The following IQCN variants were observed in gnomAD, a reference collection of about 807,000 sequenced individuals.
IQCN encodes the protein IQ motif containing N, also known as IQ domain-containing protein N.
A neutral mutation model predicts 64.4 loss-of-function variants in IQCN; 46 were observed. The observed-to-expected ratio is 0.71, with a 90% CI of 0.56 to 0.91. The LOEUF (loss-of-function observed/expected upper bound fraction) is 0.91, where lower values mean the gene tolerates loss of function less well. Ranked by LOEUF, IQCN falls within the 40% of genes least tolerant of loss-of-function variation. The probability of loss-of-function intolerance (pLI) is 0.00; values close to 1 mark genes in which losing one functional copy is unlikely to be tolerated. For missense variants in IQCN, 1,753 were observed against 1,857.4 expected (o/e 0.94, Z 1.03); for synonymous variants, 733 against 775.6 (o/e 0.95, Z 0.91).
intron 1 of IQCN, 100 bp from the exon 2 acceptor site, chr19:18,269,687 A>G (rs1313556849): frequency 2.0e-6 from 1 of 507,326 alleles, no homozygotes. Context: ...AAAAAAAAAA[A>G]TGTGCAAAGA....
In IQCN at chr19:18,265,307, G is replaced by A. The variant is rs147485534; in HGVS notation, c.2233C>T (p.Arg745Trp). The A allele has an allele frequency of 6.0e-5, 97 of 1,614,034 alleles. No individual in the cohort carries two copies. The highest frequency in any genetic ancestry group is 5.9e-5 in the Non-Finnish European group (70 of 1,180,044). Residue 745 changes from arginine to tryptophan, a missense_variant, in exon 3 of 4, where the codon CGG (arginine) becomes TGG (tryptophan). Transcript: ENST00000392413. The surrounding 1 kb of genome is among the most constrained non-coding windows in gnomAD (Gnocchi z 4.7). The stretch of plus-strand genomic sequence containing the variant: ...GTTATGTCTGTGATCGGCTGCCCCC[G>A]GGACTGCGTCTTGGTCAGACAGGTG... Reference protein sequence around the residue: ...LATCLTKTQSRGQPITDITTC... With the variant: ...LATCLTKTQSWGQPITDITTC...
At chr19:18,270,359 C>CA (rs199590561) in intron 1 of IQCN, among the ~76,000 whole-genome samples, 24,541 of 121,436 alleles carry the variant, frequency 0.2, 2,435 homozygotes, top group East Asian at 0.34. Context: ...AAAACTGTCT[C>CA]AAAAAAAAAA....
In IQCN at chr19:18,264,765, G is replaced by A. The variant is rs1481023279; in HGVS notation, c.2775C>T (p.Thr925=). Residue 925 remains threonine, a synonymous_variant, in exon 3 of 4, where the codon ACC becomes ACT. Transcript: ENST00000392413. This position sits in a 1 kb window ranked among gnomAD's most constrained non-coding sequence, Gnocchi z 4.3. ...TCAGCATGCTCTGGGGCAGGGCTTT[G>A]GTGACAGTGGCACCCAGGACCTCCT... The part of the protein sequence containing the change: ...LSKEVLGATV[T]KALPQSMLSM... 5 of 1,551,218 alleles carry A rather than the reference G, an allele frequency of 3.2e-6. No homozygotes were observed. The highest frequency in any genetic ancestry group is 2.6e-6 in the Non-Finnish European group (3 of 1,146,954).
In IQCN at chr19:18,267,060, C is replaced by A; in HGVS notation, c.480G>T (p.Glu160Asp). ...GTGGGGCGTGATAAGGTATGTCCCCCTCCTCCGCCCTCGTTTTCTTTACCA... is the reference window on the plus strand; with the variant it reads ...GTGGGGCGTGATAAGGTATGTCCCCATCCTCCGCCCTCGTTTTCTTTACCA... ...KSLVKKTRAE[E>D]GDIPYHAPQQ... The change falls in exon 3 of 4, where the codon GAG (glutamate) becomes GAT (aspartate). Residue 160 changes from glutamate to aspartate, a missense_variant. Physicochemically the swap from Glu to Asp is conservative, Grantham distance 45 (BLOSUM62 2). Coordinates refer to ENST00000392413, the MANE Select transcript of IQCN (RefSeq NM_001145304.2). The A allele has an allele frequency of 1.9e-6, 3 of 1,614,264 alleles. No individual in the cohort carries two copies. The highest frequency in any genetic ancestry group is 2.5e-6 in the Non-Finnish European group (3 of 1,180,046).
intron 1 of IQCN, among the ~76,000 whole-genome samples, chr19:18,273,067 G>C (rs1045353186): frequency 6.6e-6 from 1 of 152,110 alleles, no homozygotes; most frequent in African/African-American, 2.4e-5. Flanking sequence ...ATCTTGCTCT[G>C]TTGCCCAGGC....
intron 1 of IQCN, among the ~76,000 whole-genome samples, chr19:18,271,507 T>G (rs1192605936): frequency 6.6e-6 from 1 of 150,850 alleles, no homozygotes; most frequent in African/African-American, 2.4e-5. Flanking sequence ...CTCTATGTGG[T>G]ACTTTAGGGC....
rs749166362 is a variant in IQCN, at chr19:18,267,516, G to T, written c.24C>A (p.Asp8Glu). 14 of 1,520,696 alleles carry T rather than the reference G, an allele frequency of 9.2e-6. No individual in the cohort carries two copies. The highest frequency in any genetic ancestry group is 1.2e-5 in the Non-Finnish European group (14 of 1,137,048). 94.2% of individuals were successfully genotyped at this position (1,520,696 alleles called of 1,614,324 possible). A position where few individuals can be genotyped will look rare whatever the true frequency, so the allele number is the denominator to read the frequency against. Residue 8 changes from aspartate (D) to glutamate (E), a missense_variant, in exon 3 of 4, where the codon GAC becomes GAA. Coordinates refer to ENST00000392413, the MANE Select transcript of IQCN (RefSeq NM_001145304.2). ...CTGCATTGCCTTGATTACCGGACAG[G>T]TCAGCTCTGCCTGTGGGGGCGGCAG... MTLQGRA[D>E]LSGNQGNAAG...
chr19:18,272,613 C>CTTT (rs56180429), intron 1 of IQCN, among the ~76,000 whole-genome samples: 9 of 142,770 alleles, frequency 6.3e-5, no homozygotes, highest in African/African-American at 1.8e-4. Context: ...ATTGTGCTCA[C>CTTT]TTTTTTTTTT....
At position 18,258,059 on chromosome 19, in the gene IQCN, T is replaced by C. The variant is rs775722507; in HGVS notation, c.3225A>G (p.Ala1075=). 4 of 1,612,518 alleles carry C rather than the reference T, an allele frequency of 2.5e-6. No individual in the cohort carries two copies. The highest frequency in any genetic ancestry group is 1.1e-5 in the South Asian group (1 of 91,086). ...GVVGGQSWNR[A]WEPARGAASW... ...ACGCAGCACCCCTGGCTGGCTCCCATGCGCGGTTCCACGATTGGCCACCAA... is the reference window on the plus strand; with the variant it reads ...ACGCAGCACCCCTGGCTGGCTCCCACGCGCGGTTCCACGATTGGCCACCAA... Residue 1075 remains alanine, a synonymous_variant, in exon 4 of 4, where the codon GCA becomes GCG. Transcript: ENST00000392413.
At chr19:18,267,792 CTTTTTTT>C (rs201236242) in intron 2 of IQCN, 9 of 213,982 alleles carry the variant, frequency 4.2e-5, no homozygotes, top group Non-Finnish European at 6.0e-5. Flanking sequence ...TTTTTCTTTT[CTTTTTTT>C]TTTTTTTTTT....
chr19:18,270,972 G>A (rs1346112238), intron 1 of IQCN, among the ~76,000 whole-genome samples: 8 of 151,878 alleles, frequency 5.3e-5, no homozygotes, highest in Admixed American at 2.0e-4. Context: ...AGGAGTTCGA[G>A]AACAGCCTGG....
rs1391556303 is a variant in IQCN, at chr19:18,264,566, A to G, written c.2974T>C (p.Cys992Arg). ...EEWVALSQAL[C>R]QGELGALLSQ... Reference sequence around the variant, plus strand: ...AGGAGAGCACCCAGCTCACCCTGACACAGGGCCTGGCTCAGAGCCACCCAC... The same window carrying G: ...AGGAGAGCACCCAGCTCACCCTGACGCAGGGCCTGGCTCAGAGCCACCCAC... The change falls in exon 3 of 4, where the codon TGT becomes CGT. Residue 992 changes from cysteine (C) to arginine (R), a missense_variant. Cys to Arg is a radical substitution (Grantham distance 180, BLOSUM62 -3). Coordinates refer to ENST00000392413, the MANE Select transcript of IQCN (RefSeq NM_001145304.2). The surrounding 1 kb of genome is among the most constrained non-coding windows in gnomAD (Gnocchi z 4.3). 1 of 1,551,324 alleles carries G rather than the reference A, an allele frequency of 6.4e-7. No individual in the cohort carries two copies. Among genetic ancestry groups the G allele is most frequent in the African/African-American group, 1.4e-5 (1 of 73,112 alleles).
In IQCN at chr19:18,264,383, CG is replaced by C; in HGVS notation, c.3156del (p.Val1053Ter). On this transcript the variant is annotated frameshift_variant, in exon 3 of 4. Coordinates refer to ENST00000392413, the MANE Select transcript of IQCN (RefSeq NM_001145304.2). LOFTEE classifies it low-confidence loss of function (END_TRUNC). The surrounding 1 kb of genome is among the most constrained non-coding windows in gnomAD (Gnocchi z 4.3). Reference protein sequence around the residue: ...PSAAWGPSLGPVRPQTSKGPA... With the variant: ...PSAAWGPSLGXVRPQTSKGPA... ...CTGACCTTGCTGGTCTGTGGTCTCA[CG>C]GGGCCCAGGGAGGGCCCCCATGCGG... 6.6e-7 allele frequency: 1 copy of C among 1,503,864 alleles called. No individual in the cohort carries two copies. 93.2% of individuals were successfully genotyped at this position (1,503,864 alleles called of 1,614,324 possible).
rs553608312 is a variant in IQCN at position 18,267,420 on chromosome 19, G to C, written c.120C>G (p.His40Gln). ...TCTCCATTTTGTCCAGGAGACTGGG[G>C]TGAGCGGGGGCTGGAGGATGCACCG... Reference protein sequence around the residue: ...QWAVHPPAPAHPSLLDKMEKA... With the variant: ...QWAVHPPAPAQPSLLDKMEKA... Residue 40 changes from histidine to glutamine, a missense_variant, in exon 3 of 4, where the codon CAC becomes CAG. Transcript: ENST00000392413. The C allele has an allele frequency of 8.6e-5, 135 of 1,574,574 alleles. 2 individuals carry two copies. In the South Asian group the frequency reaches 1.5e-3, roughly 18 times the overall value.
At position 18,265,698 on chromosome 19, in the gene IQCN, C is replaced by A; in HGVS notation, c.1842G>T (p.Ala614=). 1 of 1,614,206 alleles carries A rather than the reference C, an allele frequency of 6.2e-7. No individual in the cohort carries two copies. Among genetic ancestry groups the A allele is most frequent in the South Asian group, 1.1e-5 (1 of 91,086 alleles). ...TGGTCTTAAATGCCATGTCTGTTTT[C>A]GCCTGTTTCTGGGTGCCAGTCTTGA... ...EKIKTGTQKQ[A]KTDMAFKTSV... Residue 614 remains alanine, a synonymous_variant, in exon 3 of 4, where the codon GCG becomes GCT. Coordinates refer to ENST00000392413, the MANE Select transcript of IQCN (RefSeq NM_001145304.2). The surrounding 1 kb of genome is among the most constrained non-coding windows in gnomAD (Gnocchi z 4.7).
In IQCN at chr19:18,266,510, G is replaced by T; in HGVS notation, c.1030C>A (p.Pro344Thr). Reference protein sequence around the residue: ...MITKTLLQTYPVVSVTLPQTY... With the variant: ...MITKTLLQTYTVVSVTLPQTY... ...TGTGGCAGGGTCACGGAGACCACTGGATATGTCTGGAGTAGAGTCTTGGTG... is the reference window on the plus strand; with the variant it reads ...TGTGGCAGGGTCACGGAGACCACTGTATATGTCTGGAGTAGAGTCTTGGTG... Residue 344 changes from proline (P) to threonine (T), a missense_variant, in exon 3 of 4, where the codon CCA becomes ACA. By Grantham distance (38) the Pro-to-Thr change is conservative (BLOSUM62 -1). Coordinates refer to ENST00000392413, the MANE Select transcript of IQCN (RefSeq NM_001145304.2). This position sits in a 1 kb window ranked among gnomAD's most constrained non-coding sequence, Gnocchi z 4.3. 6.2e-7 allele frequency: 1 copy of T among 1,607,054 alleles called. No individual in the cohort carries two copies. Among genetic ancestry groups the T allele is most frequent in the South Asian group, 1.1e-5 (1 of 90,268 alleles).
chr19:18,262,033 C>T (rs532906772), intron 3 of IQCN: 1 of 153,128 alleles, frequency 6.5e-6, no homozygotes, highest in East Asian at 1.9e-4. Context: ...GATAGGTAGC[C>T]TGAGCTTGGG....
At chr19:18,261,698 C>G (rs1395456747) in intron 3 of IQCN, 1 of 153,656 alleles carries the variant, frequency 6.5e-6, no homozygotes, top group African/African-American at 2.4e-5. Flanking sequence ...TTGGAGACTC[C>G]CCAGTGACCA....
rs747328496 is a variant in IQCN, at chr19:18,265,050, A to G, written c.2490T>C (p.Gly830=). ...GPCPAACEVQ[G]MLVPPMAPTG... is the part of the protein sequence containing the mutation. ...TGGGTGCCATCGGCGGCACCAGCAT[A>G]CCCTGGACCTCACAGGCTGCCGGGC... Residue 830 remains glycine, a synonymous_variant, in exon 3 of 4, where the codon GGT becomes GGC. Transcript: ENST00000392413. This position sits in a 1 kb window ranked among gnomAD's most constrained non-coding sequence, Gnocchi z 4.7. The G allele has an allele frequency of 6.2e-7, 1 of 1,600,830 alleles. No homozygotes were observed. The highest frequency in any genetic ancestry group is 8.5e-7 in the Non-Finnish European group (1 of 1,179,784).
Sources: allele counts gnomAD v4.1 joint callset (sites outside exome capture counted in the v4.1 genomes callset), GRCh38; gene constraint gnomAD v4.1.1; non-coding constraint Gnocchi (gnomAD v3.1); transcripts MANE v1.5; gene names NCBI Gene and HGNC (gene_info 2026-07-23, HGNC 2026-07-21).